The following ZNF624 variants were observed in gnomAD, a reference collection of about 807,000 sequenced individuals.
The protein encoded by ZNF624 is zinc finger protein 624.
ZNF624 carries 43 observed loss-of-function variants against 74.7 expected under a neutral mutation model. The ratio of observed to expected loss-of-function variants is 0.58; its 90% CI spans 0.45 to 0.74. The LOEUF (loss-of-function observed/expected upper bound fraction) is 0.74, where lower values mean the gene tolerates loss of function less well. Ranked by LOEUF, ZNF624 falls within the 30% of genes least tolerant of loss-of-function variation. ZNF624 has a pLI of 0.00. For missense variants in ZNF624, 820 were observed against 1,030.0 expected (o/e 0.80, Z 2.79); for synonymous variants, 331 against 341.3 (o/e 0.97, Z 0.33).
intron 3 of ZNF624, among the ~76,000 whole-genome samples, chr17:16,647,038 CTTGGTATTTTTTAA>C (rs1909609463): frequency 6.6e-6 from 1 of 152,168 alleles, no homozygotes; most frequent in Non-Finnish European, 1.5e-5. Context: ...TTGATGTACT[CTTGGTATTTTTTAA>C]TGGCACAGTA....
intron 3 of ZNF624, among the ~76,000 whole-genome samples, chr17:16,636,601 C>T (rs1909336977): frequency 6.6e-6 from 1 of 152,130 alleles, no homozygotes; most frequent in Non-Finnish European, 1.5e-5. Context: ...CTTTAGGAGG[C>T]CAAGGCGGGC....
intron 3 of ZNF624, among the ~76,000 whole-genome samples, chr17:16,639,144 T>G (rs1168268051): frequency 6.6e-6 from 1 of 152,216 alleles, no homozygotes; most frequent in Non-Finnish European, 1.5e-5. Flanking sequence ...TTCTGATCCA[T>G]GATCTAGTAA....
At chr17:16,638,375 A>T (rs1909385333) in intron 3 of ZNF624, among the ~76,000 whole-genome samples, 1 of 152,200 alleles carries the variant, frequency 6.6e-6, no homozygotes, top group South Asian at 2.1e-4. Context: ...TATATACCCA[A>T]AGGATTATAA....
chr17:16,633,176 TTTTA>T (rs1909245065), intron 5 of ZNF624, among the ~76,000 whole-genome samples: 1 of 152,232 alleles, frequency 6.6e-6, no homozygotes, highest in African/African-American at 2.4e-5. Flanking sequence ...TTTAGTTTGT[TTTTA>T]TTTGTTTGCC....
At chr17:16,652,064 T>C (rs926176778) in intron 1 of ZNF624, among the ~76,000 whole-genome samples, 1 of 152,036 alleles carries the variant, frequency 6.6e-6, no homozygotes, top group African/African-American at 2.4e-5. Flanking sequence ...ACTTAATGGG[T>C]ATAATGTACG....
chr17:16,645,071 G>T (rs1909556137), intron 3 of ZNF624, among the ~76,000 whole-genome samples: 1 of 152,184 alleles, frequency 6.6e-6, no homozygotes, highest in Non-Finnish European at 1.5e-5. Flanking sequence ...TTTATACAGA[G>T]CCTATTTTGC....
At chr17:16,643,324 C>A (rs1251958929) in intron 3 of ZNF624, among the ~76,000 whole-genome samples, 2 of 152,126 alleles carry the variant, frequency 1.3e-5, no homozygotes, top group African/African-American at 2.4e-5. Flanking sequence ...TATATCCATA[C>A]AACTGGAATA....
the ZNF624 span, among the ~76,000 whole-genome samples, chr17:16,615,504 G>T: frequency 1.6e-3 from 250 of 152,132 alleles, no homozygotes; most frequent in Middle Eastern, 3.4e-3. Flanking sequence ...TAAATTCTAC[G>T]TGTATTTTAT....
chr17:16,647,447 G>C, intron 2 of ZNF624, 53 bp from the exon 3 acceptor site: 1 of 1,500,636 alleles, frequency 6.7e-7, no homozygotes, highest in Non-Finnish European at 9.3e-7. Context: ...ATGACTTACA[G>C]CAGAGCCTCA....
chr17:16,617,061 G>T, downstream of ZNF624: 1 of 1,611,470 alleles, frequency 6.2e-7, no homozygotes, highest in Non-Finnish European at 8.5e-7. Context: ...ACCGAGACCT[G>T]CTTCGATATT....
chr17:16,617,950 G>C, downstream of ZNF624: 1 of 995,868 alleles, frequency 1.0e-6, no homozygotes, highest in Non-Finnish European at 1.5e-6. Context: ...GCCGCGGTGC[G>C]GGTGCGGGGA....
chr17:16,615,986 T>A (rs1340810586), downstream of ZNF624, among the ~76,000 whole-genome samples: 1 of 109,828 alleles, frequency 9.1e-6, no homozygotes, highest in Non-Finnish European at 1.9e-5. Flanking sequence ...TATATATATA[T>A]ATATATATAT....
At chr17:16,617,837 C>T, downstream of ZNF624, 1 of 1,611,606 alleles carries the variant, frequency 6.2e-7, no homozygotes, top group East Asian at 2.2e-5. Context: ...GGATGGCCTT[C>T]TCCTGGACGT....
chr17:16,622,290 A>G lies in ZNF624; in HGVS notation c.2596T>C (p.Ter866GlnextTer22), dbSNP rs757119597. Reference sequence around the variant, plus strand: ...CTAGGTGAATGACTTATTGTTCTTTATATTAACTGAGTTTCTCTTTGATGT... The same window carrying G: ...CTAGGTGAATGACTTATTGTTCTTTGTATTAACTGAGTTTCTCTTTGATGT... ...RIHQRETQLI[*>Q] is the part of the protein sequence containing the mutation. Residue 866 changes from the stop codon to glutamine, a stop_lost, in exon 6 of 6, where the codon TAA (stop) becomes CAA (glutamine). Transcript: ENST00000311331. The G allele has an allele frequency of 3.9e-6, 6 of 1,549,834 alleles. No homozygotes were observed. The highest frequency in any genetic ancestry group is 5.2e-6 in the Non-Finnish European group (6 of 1,153,066).
chr17:16,651,494 T>C (rs957328310), intron 1 of ZNF624, among the ~76,000 whole-genome samples: 2 of 151,448 alleles, frequency 1.3e-5, no homozygotes, highest in Admixed American at 6.6e-5. Flanking sequence ...ACACTGGGGC[T>C]TTCCTAGGCA....
chr17:16,634,539 T>G, intron 4 of ZNF624, 91 bp downstream of exon 4: 5 of 1,392,210 alleles, frequency 3.6e-6, no homozygotes, highest in Non-Finnish European at 4.9e-6. Flanking sequence ...TAAAATCAAG[T>G]ACTTCAGTTA....
downstream of ZNF624, among the ~76,000 whole-genome samples, chr17:16,620,432 G>A (rs7225337): frequency 0.09 from 13,624 of 152,174 alleles, 1,536 homozygotes; most frequent in African/African-American, 0.26. Context: ...CTTTTCTTTG[G>A]TGGCATGTTG....
chr17:16,618,024 A>G (rs995617729), downstream of ZNF624: 1 of 602,244 alleles, frequency 1.7e-6, no homozygotes, highest in Non-Finnish European at 3.0e-6. Context: ...CACAATGGTT[A>G]GCAACTTCTA....
At chr17:16,628,076 A>G (rs904911149) in intron 5 of ZNF624, among the ~76,000 whole-genome samples, 1 of 152,144 alleles carries the variant, frequency 6.6e-6, no homozygotes, top group Non-Finnish European at 1.5e-5. Flanking sequence ...ACTGGGCAAC[A>G]TGGCAAAACC....
Sources: allele counts gnomAD v4.1 joint callset (sites outside exome capture counted in the v4.1 genomes callset), GRCh38; gene constraint gnomAD v4.1.1; transcripts MANE v1.5; gene names NCBI Gene and HGNC (gene_info 2026-07-23, HGNC 2026-07-21).